P2RX7: variants seen among roughly 807,000 people sequenced by gnomAD.
P2RX7 encodes the protein P2X purinoceptor 7.
In P2RX7, 62 loss-of-function variants were observed where a neutral mutation model predicts 71.6. The observed-to-expected ratio is 0.87, with a 90% CI of 0.71 to 1.07. The LOEUF (loss-of-function observed/expected upper bound fraction) is 1.07, where lower values mean the gene tolerates loss of function less well. Ranked by LOEUF, P2RX7 falls within the 50% of genes least tolerant of loss-of-function variation. The pLI, the probability that P2RX7 is intolerant of heterozygous loss-of-function variation, is 0.00. For missense variants in P2RX7, 686 were observed against 748.5 expected (o/e 0.92, Z 0.97); for synonymous variants, 299 against 283.3 (o/e 1.06, Z -0.56).
rs1205643442 is a variant in P2RX7 at position 121,165,215 on chromosome 12, GC to G, written c.534-139del. The G allele has an allele frequency of 6.3e-6, 4 of 630,886 alleles. No homozygotes were observed. The African/African-American group carries it at 7.3e-5, about 12-fold the overall frequency. 39.1% of individuals were successfully genotyped at this position (630,886 alleles called of 1,614,324 possible). On this transcript the variant is annotated intron_variant, in intron 5 of 12. Coordinates refer to ENST00000328963, the MANE Select transcript of P2RX7 (RefSeq NM_002562.6). Reference sequence around the variant, plus strand: ...TTTGTGGAGAGTTTCAGAATGCTTTGCCCACTAGGTTTGCTGTATCCATTTC... The same window carrying G: ...TTTGTGGAGAGTTTCAGAATGCTTTGCCACTAGGTTTGCTGTATCCATTTC...
chr12:121,143,553 G>GAA (rs140924868), intron 1 of P2RX7, among the ~76,000 whole-genome samples: 2 of 141,244 alleles, frequency 1.4e-5, no homozygotes, highest in East Asian at 2.1e-4. Flanking sequence ...GACCCTATCT[G>GAA]AAAAAAAAAA....
chr12:121,136,023 A>AAATATATATATATAT, intron 1 of P2RX7, among the ~76,000 whole-genome samples: 2 of 15,256 alleles, frequency 1.3e-4, no homozygotes, highest in African/African-American at 2.5e-4. Context: ...AAAAAAAAAA[A>AAATATATATATATAT]ATATATATAT....
Position 121,160,638 on chromosome 12 carries a change from T to A in P2RX7, c.364-264T>A, listed in dbSNP as rs186882330. Among the ~76,000 whole-genome samples the A allele has an allele frequency of 9.3e-4, 142 of 152,336 alleles. 1 individual carries two copies. The highest frequency in any genetic ancestry group is 3.4e-3 in the African/African-American group (141 of 41,572). On this transcript the variant is annotated intron_variant, in intron 3 of 12. Transcript: ENST00000328963. Reference sequence around the variant, plus strand: ...GTCTGTCTTCTTTCACTCAGCATCATGTTCTCCAGGTCCATCCATGTTGTA... The same window carrying A: ...GTCTGTCTTCTTTCACTCAGCATCAAGTTCTCCAGGTCCATCCATGTTGTA...
rs766851766 is a variant in P2RX7 at position 121,154,810 on chromosome 12, T to C, written c.151T>C (p.Tyr51His). 1.1e-5 allele frequency: 17 copies of C among 1,613,820 alleles called. No individual in the cohort carries two copies. Among genetic ancestry groups the C allele is most frequent in the Admixed American group, 1.0e-4 (6 of 60,012 alleles). The stretch of plus-strand genomic sequence containing the variant: ...CTTTGCTCTGGTGAGTGACAAGCTG[T>C]ACCAGCGGAAAGAGCCTGTCATCAG... ...VCFALVSDKL[Y>H]QRKEPVISSV... is the part of the protein sequence containing the mutation. The change falls in exon 2 of 13, where the codon TAC (tyrosine) becomes CAC (histidine). Residue 51 changes from tyrosine (Y) to histidine (H), a missense_variant. Tyr to His is a moderately conservative substitution (Grantham distance 83). Coordinates refer to ENST00000328963, the MANE Select transcript of P2RX7 (RefSeq NM_002562.6). The surrounding 1 kb of genome is among the most constrained non-coding windows in gnomAD (Gnocchi z 4.2).
intron 4 of P2RX7, 179 bp from the exon 5 acceptor site, chr12:121,162,245 C>A: frequency 7.1e-7 from 1 of 1,404,274 alleles, no homozygotes; most frequent in Non-Finnish European, 9.3e-7. Flanking sequence ...TGCTTGTTTG[C>A]CTTGCCTTGT....
intron 1 of P2RX7, among the ~76,000 whole-genome samples, chr12:121,153,029 G>A (rs1426859450): frequency 6.6e-6 from 1 of 152,196 alleles, no homozygotes; most frequent in Non-Finnish European, 1.5e-5. Context: ...AAATGTACTT[G>A]CTATTGTCAA....
chr12:121,183,661 A>C (rs1347673911), intron 12 of P2RX7, among the ~76,000 whole-genome samples: 1 of 152,124 alleles, frequency 6.6e-6, no homozygotes, highest in African/African-American at 2.4e-5. Context: ...GTGGAATACC[A>C]CAGTGTGATA....
At chr12:121,138,967 T>A (rs1874271553) in intron 1 of P2RX7, among the ~76,000 whole-genome samples, 1 of 152,136 alleles carries the variant, frequency 6.6e-6, no homozygotes, top group South Asian at 2.1e-4. Context: ...TTGAGACAGG[T>A]TCTCACTCTG....
At chr12:121,143,217 C>T (rs1180502618) in intron 1 of P2RX7, among the ~76,000 whole-genome samples, 3 of 140,612 alleles carry the variant, frequency 2.1e-5, no homozygotes, top group Admixed American at 2.0e-4. Flanking sequence ...AAGTCTCTCT[C>T]TACTAAAAAA....
At chr12:121,169,721 C>T (rs1269946392) in intron 8 of P2RX7, among the ~76,000 whole-genome samples, 11 of 152,112 alleles carry the variant, frequency 7.2e-5, no homozygotes, top group African/African-American at 2.7e-4. Flanking sequence ...GCCTGGGCAA[C>T]ATAGGGAGAC....
At chr12:121,144,938 G>T (rs914767513) in intron 1 of P2RX7, among the ~76,000 whole-genome samples, 1 of 152,174 alleles carries the variant, frequency 6.6e-6, no homozygotes, top group Non-Finnish European at 1.5e-5. Flanking sequence ...CCAATTTGGG[G>T]TGGAAGATGA....
At position 121,155,569 on chromosome 12, in the gene P2RX7, G is replaced by A. The variant is rs115216401; in HGVS notation, c.295-510G>A. Reference sequence around the variant, plus strand: ...GAGAGGGACAAAGGGGCACGTTTGCGGCTTGGGGAGCTAAAATGCTTTGCA... The same window carrying A: ...GAGAGGGACAAAGGGGCACGTTTGCAGCTTGGGGAGCTAAAATGCTTTGCA... On this transcript the variant is annotated intron_variant, in intron 2 of 12. Transcript: ENST00000328963. Among the ~76,000 whole-genome samples, 1,475 of 152,158 alleles carry A rather than the reference G, an allele frequency of 9.7e-3. 22 individuals are homozygous for A. The highest frequency in any genetic ancestry group is 0.033 in the African/African-American group (1,379 of 41,504).
chr12:121,174,611 A>C (rs150854240), intron 8 of P2RX7, among the ~76,000 whole-genome samples: 1 of 152,258 alleles, frequency 6.6e-6, no homozygotes, highest in African/African-American at 2.4e-5. Context: ...AATCTAAGAA[A>C]ATACAGTTTG....
intron 1 of P2RX7, among the ~76,000 whole-genome samples, chr12:121,144,054 C>G (rs1361081509): frequency 6.6e-6 from 1 of 152,182 alleles, no homozygotes; most frequent in African/African-American, 2.4e-5. Flanking sequence ...CCCACTTCCT[C>G]CTGGTGGTTG....
At chr12:121,155,519 G>A (rs1878398818) in intron 2 of P2RX7, 4 of 732,054 alleles carry the variant, frequency 5.5e-6, no homozygotes, top group Non-Finnish European at 8.0e-6. Context: ...TAGGGTTGAG[G>A]AGTCCAAAAA....
intron 4 of P2RX7, among the ~76,000 whole-genome samples, chr12:121,161,578 G>A (rs1021613132): frequency 6.6e-6 from 1 of 151,520 alleles, no homozygotes; most frequent in African/African-American, 2.4e-5. Flanking sequence ...GGATGCTTGA[G>A]GTCAGGGGTT....
At chr12:121,180,913 G>A (rs1024379679) in intron 12 of P2RX7, among the ~76,000 whole-genome samples, 7 of 151,520 alleles carry the variant, frequency 4.6e-5, no homozygotes, top group Non-Finnish European at 5.9e-5. Context: ...GCAGTGAGCC[G>A]AGATTGTGCC....
intron 8 of P2RX7, 64 bp from the exon 9 acceptor site, chr12:121,175,324 A>AAAAAAAAC: frequency 2.0e-6 from 2 of 1,023,628 alleles, no homozygotes; most frequent in East Asian, 2.4e-5. Context: ...AAAAAAAAAA[A>AAAAAAAAC]AAAAACCCAA....
rs1565962025 is a variant in P2RX7 at position 121,166,113 on chromosome 12, CCA to C, written c.673_674del (p.Gln225ValfsTer16). 2 of 1,613,844 alleles carry C rather than the reference CCA, an allele frequency of 1.2e-6. No individual in the cohort carries two copies. Among genetic ancestry groups the C allele is most frequent in the Non-Finnish European group, 8.5e-7 (1 of 1,179,730 alleles). The part of the protein sequence containing the change: ...ITCTFHKTQN[P>X]QCPIFRLGDI... ...TTGTACCTTCCACAAGACTCAGAATCCACAGTGTCCCATTTTCCGACTAGGAG... is the reference window on the plus strand; with the variant it reads ...TTGTACCTTCCACAAGACTCAGAATCCAGTGTCCCATTTTCCGACTAGGAG... On this transcript the variant is annotated frameshift_variant, in exon 7 of 13. Transcript: ENST00000328963. LOFTEE classifies it high-confidence loss of function.
Sources: gnomAD v4.1 joint callset for allele counts (sites outside exome capture counted in the v4.1 genomes callset) on GRCh38, gnomAD v4.1.1 for gene constraint, Gnocchi (gnomAD v3.1) non-coding constraint, MANE v1.5 for transcripts, NCBI Gene and HGNC (gene_info 2026-07-23, HGNC 2026-07-21) for gene names.